Variants in MICB observed in about 807,000 individuals in gnomAD.
The protein encoded by MICB is MHC class I antigen-related protein B.
Under a neutral mutation model 34.3 loss-of-function variants are expected in MICB, and 27 were observed. The ratio of observed to expected loss-of-function variants is 0.79; its 90% CI spans 0.58 to 1.08. The LOEUF is 1.08. MICB is among the 50% of genes least tolerant of loss of function. MICB has a pLI of 0.00. For synonymous variants in MICB, 153 were observed against 187.4 expected (o/e 0.82, Z 1.50); for missense variants, 426 against 483.1 (o/e 0.88, Z 1.11).
Position 31,506,017 on chromosome 6 carries a change from G to A in MICB, c.326-126G>A, listed in dbSNP as rs966687997. Reference sequence around the variant, plus strand: ...GGGAGGCTCAGCAGGGTGGTGAGCCGGAACTCAGCCCACACAGGGAGGCAT... The same window carrying A: ...GGGAGGCTCAGCAGGGTGGTGAGCCAGAACTCAGCCCACACAGGGAGGCAT... On this transcript the variant is annotated intron_variant, in intron 2 of 5. Coordinates refer to ENST00000252229, the MANE Select transcript of MICB (RefSeq NM_005931.5). 31 of 1,478,282 alleles carry A rather than the reference G, an allele frequency of 2.1e-5. 1 individual carries two copies. The highest frequency in any genetic ancestry group is 1.8e-4 in the African/African-American group (13 of 70,834). The allele number at this position is 1,478,282 out of a possible 1,614,324, so 91.6% of individuals were successfully genotyped here. A position where few individuals can be genotyped will look rare whatever the true frequency, so the allele number is the denominator to read the frequency against.
At chr6:31,505,328 G>A (rs1482750932) in intron 1 of MICB, among the ~76,000 whole-genome samples, 1 of 152,092 alleles carries the variant, frequency 6.6e-6, no homozygotes, top group Non-Finnish European at 1.5e-5. Flanking sequence ...CCCCTGCAGG[G>A]CAGCCTCTCC....
intron 1 of MICB, among the ~76,000 whole-genome samples, 183 bp downstream of exon 1, chr6:31,498,446 CTTTTTTTTTTTTTTTTT>C (rs9279321): frequency 1.1e-4 from 10 of 89,262 alleles, no homozygotes; most frequent in African/African-American, 1.9e-4. Flanking sequence ...TCTCCCGTCT[CTTTTTTTTTTTTTTTTT>C]TTTTTTTTTT....
chr6:31,503,352 C>A (rs2855810), intron 1 of MICB, among the ~76,000 whole-genome samples: 99,286 of 151,938 alleles, frequency 0.65, 32,594 homozygotes, highest in Middle Eastern at 0.73. Context: ...ACATTACATA[C>A]ATTTTACTGT....
upstream of MICB, chr6:31,498,077 C>T: frequency 1.3e-6 from 1 of 742,170 alleles, no homozygotes; most frequent in Non-Finnish European, 2.0e-6. Flanking sequence ...CCTCAGTTTT[C>T]ACTGGATAAG....
upstream of MICB, among the ~76,000 whole-genome samples, chr6:31,496,394 C>T (rs1279194839): frequency 2.5e-5 from 3 of 122,222 alleles, no homozygotes; most frequent in African/African-American, 3.2e-5. Flanking sequence ...TGAGGCGGAG[C>T]CTTGCTCTGT....
intron 1 of MICB, among the ~76,000 whole-genome samples, chr6:31,503,229 T>A (rs1765100703): frequency 6.6e-6 from 1 of 152,246 alleles, no homozygotes; most frequent in Non-Finnish European, 1.5e-5. Flanking sequence ...TATCAGGATA[T>A]TCCTGGCTTT....
Position 31,498,232 on chromosome 6 carries a change from C to A in MICB, c.39C>A (p.Ala13=). Residue 13 remains alanine (A), a synonymous_variant, in exon 1 of 6, where the codon GCC becomes GCA. Coordinates refer to ENST00000252229, the MANE Select transcript of MICB (RefSeq NM_005931.5). ...LGRVLLFLAV[A]FPFAPPAAAA... is the part of the protein sequence containing the mutation. ...GGGTCCTGCTGTTTCTGGCCGTCGC[C>A]TTCCCTTTTGCACCCCCGGCAGCCG... is the stretch of plus-strand genomic sequence containing the variant. 6.3e-7 allele frequency: 1 copy of A among 1,585,026 alleles called. No homozygotes were observed.
At chr6:31,502,179 T>C (rs1182481140) in intron 1 of MICB, among the ~76,000 whole-genome samples, 1 of 152,086 alleles carries the variant, frequency 6.6e-6, no homozygotes, top group Non-Finnish European at 1.5e-5. Flanking sequence ...CTACTAAAAA[T>C]ACAAAATTAG....
upstream of MICB, among the ~76,000 whole-genome samples, chr6:31,497,538 GGGA>G (rs1158520044): frequency 6.6e-6 from 1 of 152,130 alleles, no homozygotes; most frequent in African/African-American, 2.4e-5. Flanking sequence ...TTGAGTCGAA[GGGA>G]GGAGAAGGAG....
At chr6:31,500,351 G>A (rs1764953219) in intron 1 of MICB, among the ~76,000 whole-genome samples, 1 of 151,850 alleles carries the variant, frequency 6.6e-6, no homozygotes, top group Admixed American at 6.5e-5. Context: ...ATATTTATGG[G>A]GTACATGGGA....
intron 1 of MICB, among the ~76,000 whole-genome samples, chr6:31,503,328 T>A (rs1765103696): frequency 6.6e-6 from 1 of 152,244 alleles, no homozygotes; most frequent in African/African-American, 2.4e-5. Context: ...AAACGTTTAA[T>A]TGTGGTAAAT....
upstream of MICB, among the ~76,000 whole-genome samples, chr6:31,495,762 C>T (rs1242603272): frequency 6.6e-6 from 1 of 151,906 alleles, no homozygotes; most frequent in African/African-American, 2.4e-5. Context: ...TGGCACTCGC[C>T]TGTAGTCCCA....
intron 1 of MICB, among the ~76,000 whole-genome samples, chr6:31,504,653 G>A (rs887023522): frequency 1.1e-4 from 17 of 152,000 alleles, no homozygotes; most frequent in Non-Finnish European, 2.5e-4. Context: ...GCCCTTTGAT[G>A]CACAGATATT....
chr6:31,498,046 T>C, upstream of MICB: 1 of 450,434 alleles, frequency 2.2e-6, no homozygotes. Context: ...TCTCCACTCA[T>C]GATTGGCCCT....
At chr6:31,498,634 A>ATTTTTTTTTTTTTTTTT (rs1383083769) in intron 1 of MICB, 2 of 158,208 alleles carry the variant, frequency 1.3e-5, no homozygotes, top group Admixed American at 6.6e-5. Flanking sequence ...CGCCCGGCTA[A>ATTTTTTTTTTTTTTTTT]TTTTTTGTGT....
intron 1 of MICB, among the ~76,000 whole-genome samples, chr6:31,499,196 C>T (rs1476132236): frequency 6.6e-6 from 1 of 152,050 alleles, no homozygotes; most frequent in East Asian, 1.9e-4. Flanking sequence ...TCTGTCATCC[C>T]CAGCTCATTC....
At chr6:31,509,460 C>G (rs1035578293) in intron 5 of MICB, among the ~76,000 whole-genome samples, 16 of 152,056 alleles carry the variant, frequency 1.1e-4, no homozygotes, top group African/African-American at 3.9e-4. Flanking sequence ...TTTGGGGAGG[C>G]CTCTCACTGT....
chr6:31,508,311 A>G (rs185199591), intron 5 of MICB, among the ~76,000 whole-genome samples: 1 of 152,260 alleles, frequency 6.6e-6, no homozygotes, highest in Admixed American at 6.5e-5. Context: ...GTTTGGAGTA[A>G]GGGACAGTCA....
At chr6:31,500,519 C>G (rs1369719351) in intron 1 of MICB, among the ~76,000 whole-genome samples, 1 of 152,002 alleles carries the variant, frequency 6.6e-6, no homozygotes, top group Non-Finnish European at 1.5e-5. Context: ...CTGTACTCAC[C>G]CTGCTGTGCT....
Sources: allele counts gnomAD v4.1 joint callset (sites outside exome capture counted in the v4.1 genomes callset), GRCh38; gene constraint gnomAD v4.1.1; transcripts MANE v1.5; gene names NCBI Gene and HGNC (gene_info 2026-07-23, HGNC 2026-07-21).